NUP210: variants seen among roughly 807,000 people sequenced by gnomAD.
NUP210 encodes nuclear pore membrane glycoprotein 210.
NUP210 carries 151 observed loss-of-function variants against 196.0 expected under a neutral mutation model. The observed-to-expected ratio is 0.77, with a 90% CI of 0.67 to 0.88. The LOEUF (loss-of-function observed/expected upper bound fraction) is 0.88, where lower values mean the gene tolerates loss of function less well. NUP210 is among the 40% of genes least tolerant of loss of function. The pLI is 0.00. For missense variants in NUP210, 2,314 were observed against 2,493.7 expected, an observed-to-expected ratio of 0.93 and a Z score of 1.53; for synonymous variants, 1,070 against 1,052.7, an observed-to-expected ratio of 1.02 and a Z score of -0.32.
In NUP210 at chr3:13,342,058, A is replaced by G; in HGVS notation, c.3030T>C (p.Leu1010=). ...GGTCCATAAAGGGGAAGTATTTGGC[A>G]AGGAAGGGCTTCTTGTGCAAGTCCA... ...RVLDLHKKPF[L]AKYFPFMDLK... is the part of the protein sequence containing the mutation. Residue 1010 remains leucine, a synonymous_variant, in exon 22 of 40, where the codon CTT becomes CTC. Coordinates refer to ENST00000254508, the MANE Select transcript of NUP210 (RefSeq NM_024923.4). 6.2e-7 allele frequency: 1 copy of G among 1,614,174 alleles called. No homozygotes were observed. Among genetic ancestry groups the G allele is most frequent in the Non-Finnish European group, 8.5e-7 (1 of 1,180,014 alleles).
chr3:13,412,963 T>A (rs1399244520), intron 1 of NUP210, among the ~76,000 whole-genome samples: 1 of 151,384 alleles, frequency 6.6e-6, no homozygotes, highest in Non-Finnish European at 1.5e-5. Context: ...AGAGCAAGAC[T>A]CTGTCTCAAA....
At chr3:13,391,920 A>G (rs1394460183) in intron 3 of NUP210, among the ~76,000 whole-genome samples, 2 of 151,770 alleles carry the variant, frequency 1.3e-5, no homozygotes, top group African/African-American at 4.8e-5. Flanking sequence ...GTCCTTTCCA[A>G]TCAAGAAACA....
intron 3 of NUP210, among the ~76,000 whole-genome samples, chr3:13,391,855 C>A (rs1699502622): frequency 1.3e-5 from 2 of 151,914 alleles, no homozygotes; most frequent in Admixed American, 6.6e-5. Context: ...GAGAGCCAGG[C>A]CCAGCCAGCC....
At chr3:13,361,232 C>A (rs901626900) in intron 14 of NUP210, among the ~76,000 whole-genome samples, 10 of 152,236 alleles carry the variant, frequency 6.6e-5, no homozygotes, top group Admixed American at 2.0e-4. Flanking sequence ...GCACCTAGAA[C>A]CATGCCTGGC....
At chr3:13,393,207 A>G (rs1343660316) in intron 3 of NUP210, among the ~76,000 whole-genome samples, 1 of 152,194 alleles carries the variant, frequency 6.6e-6, no homozygotes, top group African/African-American at 2.4e-5. Context: ...AAGCACCCCC[A>G]TGACATGTCC....
At chr3:13,402,991 C>T (rs1416587574) in intron 1 of NUP210, among the ~76,000 whole-genome samples, 7 of 152,234 alleles carry the variant, frequency 4.6e-5, no homozygotes. Context: ...CAGCCCACAC[C>T]TGCCATGGCA....
chr3:13,357,858 C>T (rs1408696540), intron 16 of NUP210, among the ~76,000 whole-genome samples: 1 of 152,214 alleles, frequency 6.6e-6, no homozygotes, highest in Non-Finnish European at 1.5e-5. Flanking sequence ...ACCCTACATA[C>T]CCTGTCCATA....
chr3:13,415,151 C>T (rs1700303945), intron 1 of NUP210, among the ~76,000 whole-genome samples: 3 of 152,360 alleles, frequency 2.0e-5, no homozygotes, highest in South Asian at 4.1e-4. Flanking sequence ...TAGCTTGAAC[C>T]TGGGAGGTGG....
intron 6 of NUP210, among the ~76,000 whole-genome samples, chr3:13,385,017 C>T (rs538003989): frequency 2.6e-5 from 4 of 152,320 alleles, no homozygotes; most frequent in Admixed American, 6.5e-5. Context: ...GCTGCTTGCC[C>T]AGAATCAAGA....
chr3:13,373,955 T>G, intron 11 of NUP210, 82 bp from the exon 12 acceptor site: 1 of 1,439,096 alleles, frequency 6.9e-7, no homozygotes, highest in Non-Finnish European at 9.6e-7. Flanking sequence ...CACGTGCGTG[T>G]GCATGCACGT....
chr3:13,395,263 G>T (rs1454389489), intron 3 of NUP210, among the ~76,000 whole-genome samples: 1 of 152,214 alleles, frequency 6.6e-6, no homozygotes, highest in Non-Finnish European at 1.5e-5. Context: ...GTGACTTAAA[G>T]GGGGTTTAAC....
Position 13,420,237 on chromosome 3 carries a change from C to G in NUP210, c.-11G>C. On this transcript the variant is annotated 5_prime_UTR_variant, in exon 1 of 40. Transcript: ENST00000254508. This position sits in a 1 kb window ranked among gnomAD's most constrained non-coding sequence, Gnocchi z 4.8. ...GCCCCGCGCCGCCATCCTCGCCGCG[C>G]GTCACCTCCCGCGACCCTGCGCCCG... The G allele has an allele frequency of 3.6e-6, 4 of 1,097,852 alleles. No homozygotes were observed. The highest frequency in any genetic ancestry group is 2.2e-6 in the Non-Finnish European group (2 of 901,572). 68.0% of individuals were successfully genotyped at this position (1,097,852 alleles called of 1,614,324 possible).
Position 13,351,962 on chromosome 3 carries a change from C to T in NUP210, c.2752G>A (p.Glu918Lys), listed in dbSNP as rs766729882. The T allele has an allele frequency of 1.9e-6, 3 of 1,611,750 alleles. No homozygotes were observed. The highest frequency in any genetic ancestry group is 2.5e-6 in the Non-Finnish European group (3 of 1,178,308). ...TTGAGGAAGAAGTAACCTGAGCCTT[C>T]CCTGATGCGGAGCTCTGCCTGCAGG... The part of the protein sequence containing the change: ...PGIQAELRIR[E>K]GSGYFFLNTS... Residue 918 changes from glutamate to lysine, a missense_variant, in exon 20 of 40, where the codon GAA (glutamate) becomes AAA (lysine). Coordinates refer to ENST00000254508, the MANE Select transcript of NUP210 (RefSeq NM_024923.4).
At chr3:13,357,755 A>G (rs1403828112) in intron 16 of NUP210, among the ~76,000 whole-genome samples, 2 of 152,056 alleles carry the variant, frequency 1.3e-5, no homozygotes, top group Non-Finnish European at 2.9e-5. Context: ...TTCCTCTCCC[A>G]ACACTTACTT....
chr3:13,362,385 G>A (rs970996896), intron 14 of NUP210, among the ~76,000 whole-genome samples: 13 of 152,072 alleles, frequency 8.5e-5, no homozygotes, highest in African/African-American at 2.9e-4. Flanking sequence ...GTATTTTGTG[G>A]GGACACAAAC....
intron 13 of NUP210, among the ~76,000 whole-genome samples, chr3:13,370,328 C>A (rs951737833): frequency 6.6e-6 from 1 of 152,182 alleles, no homozygotes; most frequent in East Asian, 1.9e-4. Context: ...CGCCCTGCAT[C>A]GTGCTGAGGG....
chr3:13,390,882 G>A (rs1699466799), intron 4 of NUP210, among the ~76,000 whole-genome samples: 1 of 152,142 alleles, frequency 6.6e-6, no homozygotes, highest in Admixed American at 6.5e-5. Context: ...CCTTTAACTG[G>A]CCCCCCAGAA....
chr3:13,322,423 G>T (rs1185994402), intron 34 of NUP210, 84 bp from the exon 35 acceptor site: 9 of 1,472,130 alleles, frequency 6.1e-6, no homozygotes, highest in Non-Finnish European at 7.5e-6. Context: ...AGGCTGGCTG[G>T]GCTGCAAATG....
At chr3:13,343,342 G>C in intron 20 of NUP210, 39 bp from the exon 21 acceptor site, 11 of 655,974 alleles carry the variant, frequency 1.7e-5, no homozygotes, top group East Asian at 4.4e-5. Flanking sequence ...TGGGTGGTGG[G>C]TTACGCAGCT....
Sources: allele counts gnomAD v4.1 joint callset (sites outside exome capture counted in the v4.1 genomes callset), GRCh38; gene constraint gnomAD v4.1.1; non-coding constraint Gnocchi (gnomAD v3.1); transcripts MANE v1.5; gene names NCBI Gene and HGNC (gene_info 2026-07-23, HGNC 2026-07-21).